Variants in TRIO observed in about 807,000 individuals in gnomAD.
The protein encoded by TRIO is triple functional domain protein.
Under a neutral mutation model 351.9 loss-of-function variants are expected in TRIO, and 58 were observed. The ratio of observed to expected loss-of-function variants is 0.16; its 90% confidence interval spans 0.13 to 0.21. The LOEUF (loss-of-function observed/expected upper bound fraction) is 0.21, where lower values mean the gene tolerates loss of function less well. Among genes scored for constraint, TRIO ranks in the 10% least tolerant of loss-of-function variants. The probability of loss-of-function intolerance (pLI) is 1.00; values close to 1 mark genes in which losing one functional copy is unlikely to be tolerated. For synonymous variants in TRIO, 1,758 were observed against 1,595.7 expected, an observed-to-expected ratio of 1.10 and a Z score of -2.42; for missense variants, 3,201 against 4,027.8, an observed-to-expected ratio of 0.79 and a Z score of 5.56.
At chr5:14,205,453 G>C (rs1440300850) in intron 1 of TRIO, among the ~76,000 whole-genome samples, 1 of 152,154 alleles carries the variant, frequency 6.6e-6, no homozygotes, top group East Asian at 1.9e-4. Flanking sequence ...TGTTCATTAC[G>C]TTAGATTCAA....
At chr5:14,336,879 C>G (rs543944624) in intron 11 of TRIO, 152 bp downstream of exon 11, 9 of 823,624 alleles carry the variant, frequency 1.1e-5, no homozygotes, top group African/African-American at 1.0e-4. Flanking sequence ...TCTGCGTGGA[C>G]AGGGAAAAGC....
chr5:14,227,486 T>TC (rs779906148), intron 1 of TRIO, among the ~76,000 whole-genome samples: 35 of 152,336 alleles, frequency 2.3e-4, no homozygotes, highest in Non-Finnish European at 1.0e-4. Flanking sequence ...AGTGGCATAC[T>TC]CCAGTTTTTT....
chr5:14,462,281 T>C (rs1753886016), intron 35 of TRIO, among the ~76,000 whole-genome samples: 1 of 152,238 alleles, frequency 6.6e-6, no homozygotes, highest in Non-Finnish European at 1.5e-5. Context: ...TGAAATTTGT[T>C]TCTAAAAGTG....
At chr5:14,457,727 G>A (rs982271966) in intron 34 of TRIO, among the ~76,000 whole-genome samples, 3 of 152,122 alleles carry the variant, frequency 2.0e-5, no homozygotes, top group Admixed American at 6.5e-5. Flanking sequence ...GAACAGTAGG[G>A]AGGTCTGTGT....
intron 53 of TRIO, among the ~76,000 whole-genome samples, chr5:14,500,903 A>C (rs1757243054): frequency 6.6e-6 from 1 of 151,092 alleles, no homozygotes; most frequent in East Asian, 1.9e-4. Flanking sequence ...AAAAAAAAAA[A>C]AAAAAAAAAA....
rs184928147 is a variant in TRIO at position 14,434,409 on chromosome 5, T to C, written c.5203+14388T>C. 3.5e-3 allele frequency among the ~76,000 whole-genome samples: 537 copies of C among 152,322 alleles called. 9 individuals carry two copies. The highest frequency in any genetic ancestry group is 1.2e-3 in the Non-Finnish European group (79 of 68,018). On this transcript the variant is annotated intron_variant, in intron 34 of 56. Coordinates refer to ENST00000344204, the MANE Select transcript of TRIO (RefSeq NM_007118.4). ...TTTCTACAAAGATCTTCTCTGACTT[T>C]ACCTACTTTTTTCTGGTAACTTTTT...
chr5:14,230,621 A>G (rs558826729), intron 1 of TRIO, among the ~76,000 whole-genome samples: 5 of 152,218 alleles, frequency 3.3e-5, no homozygotes, highest in Non-Finnish European at 5.9e-5. Flanking sequence ...CTTGTTTTCC[A>G]TGAATGTCTT....
intron 1 of TRIO, among the ~76,000 whole-genome samples, chr5:14,152,480 C>T (rs1393043100): frequency 6.6e-6 from 1 of 152,198 alleles, no homozygotes; most frequent in Non-Finnish European, 1.5e-5. Context: ...AAGCAGTTCT[C>T]TGCCTTAGCC....
chr5:14,145,742 A>G (rs1301455307), intron 1 of TRIO, among the ~76,000 whole-genome samples: 1 of 152,156 alleles, frequency 6.6e-6, no homozygotes, highest in African/African-American at 2.4e-5. Context: ...TCTATTATGC[A>G]TAGTACAAAA....
intron 1 of TRIO, among the ~76,000 whole-genome samples, chr5:14,163,485 T>C (rs1002598283): frequency 1.3e-5 from 2 of 152,224 alleles, no homozygotes; most frequent in South Asian, 4.1e-4. Context: ...ATTATAGGTG[T>C]GAGCCACCAG....
At chr5:14,435,766 A>G (rs1484062658) in intron 34 of TRIO, among the ~76,000 whole-genome samples, 1 of 152,210 alleles carries the variant, frequency 6.6e-6, no homozygotes, top group Non-Finnish European at 1.5e-5. Flanking sequence ...TGTGGCTATC[A>G]GGAGCCCTGT....
At chr5:14,269,116 A>G (rs778669608) in intron 1 of TRIO, among the ~76,000 whole-genome samples, 1 of 152,176 alleles carries the variant, frequency 6.6e-6, no homozygotes, top group Non-Finnish European at 1.5e-5. Context: ...AAATCTACCC[A>G]TAACTGGCTG....
At chr5:14,474,569 T>C (rs32531) in intron 40 of TRIO, among the ~76,000 whole-genome samples, 34,339 of 152,178 alleles carry the variant, frequency 0.23, 4,797 homozygotes, top group African/African-American at 0.38. Flanking sequence ...TAGAATAAGC[T>C]TCAAGTATTT....
intron 55 of TRIO, among the ~76,000 whole-genome samples, chr5:14,505,057 C>T (rs866872577): frequency 1.3e-5 from 2 of 152,232 alleles, no homozygotes; most frequent in South Asian, 2.1e-4. Context: ...CGCACCTCCC[C>T]GCAGAATGTC....
chr5:14,469,020 C>G (rs1335143694), intron 37 of TRIO, among the ~76,000 whole-genome samples: 1 of 152,166 alleles, frequency 6.6e-6, no homozygotes, highest in Non-Finnish European at 1.5e-5. Context: ...TAATAGTTCC[C>G]TGCCGCCACA....
At chr5:14,232,556 A>G (rs1793508199) in intron 1 of TRIO, among the ~76,000 whole-genome samples, 1 of 152,246 alleles carries the variant, frequency 6.6e-6, no homozygotes, top group African/African-American at 2.4e-5. Flanking sequence ...ATTGCTGCAC[A>G]TGACACCTGG....
intron 1 of TRIO, among the ~76,000 whole-genome samples, chr5:14,200,479 A>G (rs1289856143): frequency 6.6e-6 from 1 of 152,206 alleles, no homozygotes; most frequent in Non-Finnish European, 1.5e-5. Flanking sequence ...CAGGGACTGA[A>G]TGTCATTCAC....
intron 33 of TRIO, among the ~76,000 whole-genome samples, chr5:14,412,549 G>A (rs570707035): frequency 6.6e-6 from 1 of 152,324 alleles, no homozygotes; most frequent in African/African-American, 2.4e-5. Flanking sequence ...CATGGAAGGC[G>A]TAGGGCTGCT....
intron 54 of TRIO, 44 bp downstream of exon 54, chr5:14,502,701 G>T: frequency 6.3e-7 from 1 of 1,582,210 alleles, no homozygotes; most frequent in Non-Finnish European, 8.7e-7. Context: ...AGCAGAGCGT[G>T]GGGAAGACAT....
Sources: allele counts gnomAD v4.1 joint callset (sites outside exome capture counted in the v4.1 genomes callset), GRCh38; gene constraint gnomAD v4.1.1; transcripts MANE v1.5; gene names NCBI Gene and HGNC (gene_info 2026-07-23, HGNC 2026-07-21).